The following LAPTM4B variants were observed in gnomAD, a reference collection of about 807,000 sequenced individuals.
LAPTM4B encodes the protein lysosomal protein transmembrane 4 beta.
In LAPTM4B, 26 loss-of-function variants were observed where a neutral mutation model predicts 28.5. The observed-to-expected ratio is 0.91, with a 90% confidence interval of 0.67 to 1.27. The LOEUF is 1.27. LAPTM4B is among the 50% of genes most tolerant of loss of function. The probability of loss-of-function intolerance (pLI) is 0.00; values close to 1 mark genes in which losing one functional copy is unlikely to be tolerated. For missense variants in LAPTM4B, 288 were observed against 285.8 expected, an observed-to-expected ratio of 1.01 and a Z score of -0.06; for synonymous variants, 109 against 106.4, an observed-to-expected ratio of 1.02 and a Z score of -0.15.
At chr8:97,851,251 A>T in intron 6 of LAPTM4B, 146 bp from the exon 7 acceptor site, 1 of 685,880 alleles carries the variant, frequency 1.5e-6, no homozygotes, top group Non-Finnish European at 2.6e-6. Flanking sequence ...AAAGTCTTTT[A>T]ATGAAGTGTA....
chr8:97,811,991 A>T (rs891309329), intron 2 of LAPTM4B, among the ~76,000 whole-genome samples: 2 of 151,708 alleles, frequency 1.3e-5, no homozygotes, highest in Non-Finnish European at 2.9e-5. Context: ...TTTTTAGTAG[A>T]GACGGGGTTT....
At chr8:97,849,217 TC>T in intron 6 of LAPTM4B, among the ~76,000 whole-genome samples, 1 of 152,346 alleles carries the variant, frequency 6.6e-6, no homozygotes, top group Admixed American at 6.5e-5. Flanking sequence ...CTTCCTTGAC[TC>T]CCTAGCCTAA....
intron 1 of LAPTM4B, among the ~76,000 whole-genome samples, chr8:97,789,343 G>A (rs1165577447): frequency 6.7e-6 from 1 of 150,354 alleles, no homozygotes; most frequent in African/African-American, 2.5e-5. Flanking sequence ...CAAAGTGCTG[G>A]GATTACAAGT....
At chr8:97,823,664 C>G (rs1032952393) in intron 5 of LAPTM4B, among the ~76,000 whole-genome samples, 1 of 148,738 alleles carries the variant, frequency 6.7e-6, no homozygotes, top group African/African-American at 2.5e-5. Context: ...TGTGAGCCAT[C>G]GTGCCCAGTC....
intron 1 of LAPTM4B, among the ~76,000 whole-genome samples, chr8:97,798,519 G>A (rs192561427): frequency 2.0e-5 from 3 of 152,196 alleles, no homozygotes; most frequent in Admixed American, 1.3e-4. Flanking sequence ...CTATCTGGAC[G>A]GCCTCGCGAA....
chr8:97,844,322 CCT>C (rs1480432664), intron 6 of LAPTM4B, among the ~76,000 whole-genome samples: 2 of 152,088 alleles, frequency 1.3e-5, no homozygotes, highest in Non-Finnish European at 2.9e-5. Context: ...GTCCTGAACT[CCT>C]GGGCTTAAAC....
chr8:97,778,073 A>G (rs567091233), intron 1 of LAPTM4B, among the ~76,000 whole-genome samples: 1 of 152,348 alleles, frequency 6.6e-6, no homozygotes. Context: ...GAGAGTACTC[A>G]GCATGCTTTG....
intron 6 of LAPTM4B, among the ~76,000 whole-genome samples, chr8:97,825,877 T>C (rs1817083641): frequency 6.6e-6 from 1 of 152,188 alleles, no homozygotes; most frequent in African/African-American, 2.4e-5. Flanking sequence ...ACGATGGGGA[T>C]GGATGACATG....
chr8:97,804,542 A>G (rs1816731655), intron 1 of LAPTM4B, among the ~76,000 whole-genome samples: 1 of 152,202 alleles, frequency 6.6e-6, no homozygotes, highest in South Asian at 2.1e-4. Context: ...TCTGAGCCTC[A>G]GTTTGCTATG....
intron 1 of LAPTM4B, among the ~76,000 whole-genome samples, chr8:97,804,076 A>G (rs1373994965): frequency 1.3e-5 from 2 of 152,242 alleles, no homozygotes; most frequent in African/African-American, 2.4e-5. Flanking sequence ...TTAGAATAGT[A>G]AAGAAGTAAC....
At chr8:97,779,140 G>A (rs1816269803) in intron 1 of LAPTM4B, among the ~76,000 whole-genome samples, 1 of 152,138 alleles carries the variant, frequency 6.6e-6, no homozygotes, top group South Asian at 2.1e-4. Context: ...GCAGTGAGCT[G>A]TGATTGCACC....
At chr8:97,826,018 G>C (rs991775126) in intron 6 of LAPTM4B, among the ~76,000 whole-genome samples, 1 of 152,176 alleles carries the variant, frequency 6.6e-6, no homozygotes, top group Non-Finnish European at 1.5e-5. Flanking sequence ...TGGTTTTTTA[G>C]TTTGCTTGTT....
chr8:97,783,570 C>T (rs1475550478), intron 1 of LAPTM4B, among the ~76,000 whole-genome samples: 4 of 152,154 alleles, frequency 2.6e-5, no homozygotes, highest in Non-Finnish European at 5.9e-5. Flanking sequence ...CTCCCCACCC[C>T]ATCCCCCATG....
intron 6 of LAPTM4B, among the ~76,000 whole-genome samples, chr8:97,839,517 C>G (rs1817313673): frequency 6.6e-6 from 1 of 152,112 alleles, no homozygotes; most frequent in African/African-American, 2.4e-5. Context: ...TTTAAATGTC[C>G]CGGTCTGCTG....
intron 6 of LAPTM4B, among the ~76,000 whole-genome samples, chr8:97,841,328 A>G (rs964409852): frequency 2.0e-5 from 3 of 152,208 alleles, no homozygotes; most frequent in Non-Finnish European, 4.4e-5. Context: ...TATTCTAGAT[A>G]TCTTTCTCTT....
At chr8:97,835,921 CT>C (rs1255136398) in intron 6 of LAPTM4B, among the ~76,000 whole-genome samples, 1 of 152,200 alleles carries the variant, frequency 6.6e-6, no homozygotes, top group East Asian at 1.9e-4. Context: ...CTGAGCACCA[CT>C]TACAAGATTA....
In LAPTM4B at chr8:97,834,880, C is replaced by T. The variant is rs190777839; in HGVS notation, c.603+9727C>T. Among the ~76,000 whole-genome samples the T allele has an allele frequency of 2.6e-5, 4 of 152,334 alleles. No homozygotes were observed. The East Asian group carries it at 7.7e-4, about 29-fold the overall frequency. ...CATCTGGAGACCATAATCTGGATTT[C>T]TGGGGTTAGAGGACAGGCTTTTTGT... On this transcript the variant is annotated intron_variant, in intron 6 of 6. Transcript: ENST00000521545.
At chr8:97,808,855 GGAGGCT>G (rs1347801918) in intron 2 of LAPTM4B, among the ~76,000 whole-genome samples, 1 of 152,008 alleles carries the variant, frequency 6.6e-6, no homozygotes, top group African/African-American at 2.4e-5. Context: ...CAGCTACTTG[GGAGGCT>G]GAGGCAGGAG....
rs111324446 is a variant in LAPTM4B, at chr8:97,782,893, G to A, written c.99+6785G>A. Among the ~76,000 whole-genome samples the A allele has an allele frequency of 5.8e-4, 79 of 136,672 alleles. 2 individuals carry two copies. The highest frequency in any genetic ancestry group is 2.0e-3 in the African/African-American group (74 of 37,736). 89.7% of individuals were successfully genotyped at this position (136,672 alleles called of 152,430 possible). ...ATTGCAGGCATGCACCACCATACCT[G>A]GCTAATTTTGTATTTTATTTATTTA... On this transcript the variant is annotated intron_variant, in intron 1 of 6. Transcript: ENST00000521545.
Sources: gnomAD v4.1 joint callset for allele counts (sites outside exome capture counted in the v4.1 genomes callset) on GRCh38, gnomAD v4.1.1 for gene constraint, MANE v1.5 for transcripts, NCBI Gene and HGNC (gene_info 2026-07-23, HGNC 2026-07-21) for gene names.